The following METTL25 variants were observed in gnomAD, a reference collection of about 807,000 sequenced individuals.
METTL25 encodes the protein methyltransferase like 25, also known as probable methyltransferase-like protein 25.
METTL25 carries 64 observed loss-of-function variants against 71.6 expected under a neutral mutation model. The ratio of observed to expected loss-of-function variants is 0.89; its 90% CI spans 0.73 to 1.10. The LOEUF (loss-of-function observed/expected upper bound fraction) is 1.10. Among genes scored for constraint, METTL25 ranks in the 50% least tolerant of loss-of-function variants. METTL25 has a pLI of 0.00. For synonymous variants in METTL25, 287 were observed against 250.3 expected (o/e 1.15, Z -1.38); for missense variants, 807 against 707.0 (o/e 1.14, Z -1.60).
At position 82,399,128 on chromosome 12, in the gene METTL25, A is replaced by G. The variant is rs1255829660; in HGVS notation, c.865A>G (p.Ile289Val). The G allele has an allele frequency of 1.9e-6, 3 of 1,613,702 alleles. No individual in the cohort carries two copies. Among genetic ancestry groups the G allele is most frequent in the African/African-American group, 2.7e-5 (2 of 74,906 alleles). Residue 289 changes from isoleucine to valine, a missense_variant, in exon 4 of 12, where the codon ATC (isoleucine) becomes GTC (valine). Transcript: ENST00000248306. ...PDFSGSVISN[I>V]RNQMETLHSQ... ...TTTTTCTGGCTCTGTAATTTCTAAT[A>G]TCAGAAACCAAATGGAAACCCTTCA...
intron 7 of METTL25, among the ~76,000 whole-genome samples, chr12:82,437,896 T>C (rs558728885): frequency 4.6e-5 from 7 of 151,860 alleles, no homozygotes; most frequent in African/African-American, 1.7e-4. Context: ...TTATTTTGTG[T>C]TGGATGTTCC....
At chr12:82,456,539 G>T (rs1040979269) in intron 8 of METTL25, among the ~76,000 whole-genome samples, 188 bp from the exon 9 acceptor site, 2 of 151,952 alleles carry the variant, frequency 1.3e-5, no homozygotes, top group Non-Finnish European at 2.9e-5. Context: ...AGAATTGTCA[G>T]AAGCAGATCC....
intron 2 of METTL25, chr12:82,389,002 G>A (rs1176829741): frequency 6.6e-6 from 1 of 151,982 alleles, no homozygotes. Flanking sequence ...CCTATACCAA[G>A]GCATTCACAG....
At chr12:82,464,395 C>T (rs950117661) in intron 9 of METTL25, among the ~76,000 whole-genome samples, 1 of 151,802 alleles carries the variant, frequency 6.6e-6, no homozygotes, top group Non-Finnish European at 1.5e-5. Flanking sequence ...ATATTCTTGA[C>T]ATCTTTATCA....
intron 1 of METTL25, among the ~76,000 whole-genome samples, chr12:82,377,892 A>C (rs1884036818): frequency 6.6e-6 from 1 of 152,218 alleles, no homozygotes; most frequent in South Asian, 2.1e-4. Flanking sequence ...ATTTTAGGTG[A>C]TTCATAGCCC....
intron 8 of METTL25, among the ~76,000 whole-genome samples, chr12:82,456,407 C>T (rs564418339): frequency 4.6e-5 from 7 of 151,882 alleles, no homozygotes; most frequent in Non-Finnish European, 1.0e-4. Flanking sequence ...GCCAGTAAAT[C>T]TCAAATGTGT....
chr12:82,363,502 C>G (rs987330516), intron 1 of METTL25, among the ~76,000 whole-genome samples: 4 of 152,148 alleles, frequency 2.6e-5, no homozygotes, highest in African/African-American at 9.7e-5. Flanking sequence ...CTGCTAAACT[C>G]TGCAGGCTCA....
chr12:82,363,095 G>A (rs143879074), intron 1 of METTL25, among the ~76,000 whole-genome samples: 23 of 152,198 alleles, frequency 1.5e-4, no homozygotes, highest in Admixed American at 1.4e-3. Flanking sequence ...AATTTAAGAC[G>A]TACATTCTGG....
chr12:82,382,877 T>C (rs995064578), intron 1 of METTL25, among the ~76,000 whole-genome samples: 2 of 151,938 alleles, frequency 1.3e-5, no homozygotes, highest in African/African-American at 4.8e-5. Context: ...CCCAGCTAAT[T>C]TTTTAAAATT....
chr12:82,455,235 T>A (rs555631491), intron 8 of METTL25, among the ~76,000 whole-genome samples: 1 of 151,812 alleles, frequency 6.6e-6, no homozygotes, highest in East Asian at 1.9e-4. Context: ...CCTATTTTCC[T>A]GGCTACACAG....
chr12:82,422,110 A>T (rs1888566989), intron 5 of METTL25, among the ~76,000 whole-genome samples: 1 of 152,130 alleles, frequency 6.6e-6, no homozygotes. Flanking sequence ...AGAATTTTAG[A>T]CCAATATCCG....
In METTL25 at chr12:82,398,684, T is replaced by C. The variant is rs1886299226; in HGVS notation, c.532-111T>C. ...GTTTTTCATAGGAATAAAAAAAAAT[T>C]AAAATAATATTTAAGTTATATAACT... is the stretch of plus-strand genomic sequence containing the variant. On this transcript the variant is annotated intron_variant, in intron 3 of 11. Coordinates refer to ENST00000248306, the MANE Select transcript of METTL25 (RefSeq NM_032230.3). 4 of 620,696 alleles carry C rather than the reference T, an allele frequency of 6.4e-6. 1 individual carries two copies. Among genetic ancestry groups the C allele is most frequent in the East Asian group, 7.1e-5 (2 of 28,238 alleles). The allele number at this position is 620,696 out of a possible 1,614,324, so 38.4% of individuals were successfully genotyped here. A position where few individuals can be genotyped will look rare whatever the true frequency, so the allele number is the denominator to read the frequency against.
chr12:82,464,825 T>A (rs747759539), intron 9 of METTL25, among the ~76,000 whole-genome samples: 22 of 151,868 alleles, frequency 1.4e-4, no homozygotes, highest in Non-Finnish European at 2.9e-4. Flanking sequence ...GTCTTTTACC[T>A]CCTTCGTTAA....
chr12:82,409,849 C>G (rs768108162), intron 5 of METTL25, among the ~76,000 whole-genome samples: 1 of 152,026 alleles, frequency 6.6e-6, no homozygotes, highest in African/African-American at 2.4e-5. Context: ...TAGAGGGTCA[C>G]GAATCATCTT....
chr12:82,397,445 T>C (rs1368862420), intron 3 of METTL25, among the ~76,000 whole-genome samples: 1 of 152,100 alleles, frequency 6.6e-6, no homozygotes, highest in Non-Finnish European at 1.5e-5. Context: ...GAAGTTTTAA[T>C]TTTAGTAAAG....
intron 11 of METTL25, among the ~76,000 whole-genome samples, chr12:82,477,768 C>T (rs1284039314): frequency 6.6e-6 from 1 of 151,664 alleles, no homozygotes; most frequent in Non-Finnish European, 1.5e-5. Flanking sequence ...TCTTTCTGAT[C>T]AAGGAAGATT....
chr12:82,478,870 C>T, intron 11 of METTL25, 62 bp from the exon 12 acceptor site: 2 of 1,269,514 alleles, frequency 1.6e-6, no homozygotes, highest in East Asian at 2.3e-5. Context: ...TATAATCCAA[C>T]TCGCGTCTAA....
rs765865127 is a variant in METTL25 at position 82,479,007 on chromosome 12, C to T, written c.1795C>T (p.Leu599=). 2.5e-6 allele frequency: 4 copies of T among 1,612,078 alleles called. No homozygotes were observed. The South Asian group carries it at 4.4e-5, about 18-fold the overall frequency. ...TCCCAGATGTTATGCTGTTATTGCC[C>T]TGAAGAAGCAGCAGTGATTTCCATT... is the stretch of plus-strand genomic sequence containing the variant. ...KSPRCYAVIA[L]KKQQ The change falls in exon 12 of 12, where the codon CTG becomes TTG. Residue 599 remains leucine, a synonymous_variant. Coordinates refer to ENST00000248306, the MANE Select transcript of METTL25 (RefSeq NM_032230.3).
intron 1 of METTL25, among the ~76,000 whole-genome samples, chr12:82,385,698 G>A (rs1884923566): frequency 6.6e-6 from 1 of 151,960 alleles, no homozygotes; most frequent in Admixed American, 6.6e-5. Context: ...AATAAGCAGG[G>A]GTGTGCTGCA....
Sources: gnomAD v4.1 joint callset for allele counts (sites outside exome capture counted in the v4.1 genomes callset) on GRCh38, gnomAD v4.1.1 for gene constraint, MANE v1.5 for transcripts, NCBI Gene and HGNC (gene_info 2026-07-23, HGNC 2026-07-21) for gene names.